SYCP2L: variants seen among roughly 807,000 people sequenced by gnomAD.
The protein encoded by SYCP2L is synaptonemal complex protein 2 like.
SYCP2L carries 98 observed loss-of-function variants against 125.8 expected under a neutral mutation model. That is an observed-to-expected ratio of 0.78 (90% CI 0.66 to 0.92). The LOEUF (loss-of-function observed/expected upper bound fraction) is 0.92, where lower values mean the gene tolerates loss of function less well. Among genes scored for constraint, SYCP2L ranks in the 40% least tolerant of loss-of-function variants. SYCP2L has a pLI of 0.00. For synonymous variants in SYCP2L, 317 were observed against 325.4 expected (o/e 0.97, Z 0.28); for missense variants, 842 against 936.4 (o/e 0.90, Z 1.32).
chr6:10,911,048 C>T (rs564050850), intron 12 of SYCP2L, among the ~76,000 whole-genome samples, 179 bp downstream of exon 12: 1 of 152,220 alleles, frequency 6.6e-6, no homozygotes, highest in African/African-American at 2.4e-5. Context: ...AACCAGAATG[C>T]GTTACCAGTA....
intron 6 of SYCP2L, 132 bp downstream of exon 6, chr6:10,898,980 A>AAGG: frequency 1.6e-6 from 1 of 637,144 alleles, no homozygotes; most frequent in Non-Finnish European, 2.8e-6. Flanking sequence ...TGACCACCTT[A>AAGG]TGGTCATCAT....
chr6:10,946,224 T>C (rs1443899909), intron 23 of SYCP2L, among the ~76,000 whole-genome samples: 1 of 152,166 alleles, frequency 6.6e-6, no homozygotes, highest in East Asian at 1.9e-4. Flanking sequence ...ATTTTTTACC[T>C]CTACTCATTT....
rs148289064 is a variant in SYCP2L, at chr6:10,903,957, T to G, written c.641+994T>G. On this transcript the variant is annotated intron_variant, in intron 8 of 29. Coordinates refer to ENST00000283141, the MANE Select transcript of SYCP2L (RefSeq NM_001040274.3). Reference sequence around the variant, plus strand: ...TACAGACGGTAGAGCCTGCGTGGCTTCAAATCCTAGTTTTGCCACTTTTGC... The same window carrying G: ...TACAGACGGTAGAGCCTGCGTGGCTGCAAATCCTAGTTTTGCCACTTTTGC... Among the ~76,000 whole-genome samples, 245 of 152,304 alleles carry G rather than the reference T, an allele frequency of 1.6e-3. 1 individual carries two copies. Among genetic ancestry groups the G allele is most frequent in the Non-Finnish European group, 3.2e-3 (218 of 68,020 alleles).
At chr6:10,898,176 A>C in intron 5 of SYCP2L, 61 bp downstream of exon 5, 1 of 1,223,352 alleles carries the variant, frequency 8.2e-7, no homozygotes, top group South Asian at 1.3e-5. Context: ...GGAATCTTCA[A>C]GTTATTTATA....
intron 4 of SYCP2L, among the ~76,000 whole-genome samples, chr6:10,897,359 C>T (rs2113292339): frequency 6.6e-6 from 1 of 150,984 alleles, no homozygotes; most frequent in East Asian, 1.9e-4. Context: ...TCAGCAGATT[C>T]TCAGATCGCA....
intron 15 of SYCP2L, among the ~76,000 whole-genome samples, chr6:10,925,368 G>A (rs1780879286): frequency 6.6e-6 from 1 of 152,180 alleles, no homozygotes; most frequent in Non-Finnish European, 1.5e-5. Context: ...TAGGAATAAA[G>A]TTTCTGAGGG....
At chr6:10,909,116 ATTTTTTTTTTTTTT>A (rs67767345) in intron 10 of SYCP2L, among the ~76,000 whole-genome samples, 28 of 94,882 alleles carry the variant, frequency 3.0e-4, no homozygotes, top group Non-Finnish European at 5.4e-4. Flanking sequence ...TCTCAATTGA[ATTTTTTTTTTTTTT>A]TTTTTTTTTT....
chr6:10,896,526 G>A (rs1362204830), intron 4 of SYCP2L, among the ~76,000 whole-genome samples: 4 of 152,140 alleles, frequency 2.6e-5, no homozygotes, highest in African/African-American at 4.8e-5. Flanking sequence ...TATGAACATA[G>A]GGAGGGAGAA....
At chr6:10,957,222 T>C (rs572832224) in intron 25 of SYCP2L, among the ~76,000 whole-genome samples, 1 of 152,336 alleles carries the variant, frequency 6.6e-6, no homozygotes, top group Non-Finnish European at 1.5e-5. Context: ...CAAGTTCATA[T>C]TACTTATCAA....
At chr6:10,923,314 A>G (rs137991290) in intron 14 of SYCP2L, among the ~76,000 whole-genome samples, 5 of 151,432 alleles carry the variant, frequency 3.3e-5, no homozygotes, top group Non-Finnish European at 7.4e-5. Context: ...GCCCGATTAC[A>G]ATTTGTCAGG....
At chr6:10,895,029 C>T (rs1296329656) in intron 4 of SYCP2L, among the ~76,000 whole-genome samples, 1 of 152,184 alleles carries the variant, frequency 6.6e-6, no homozygotes, top group Non-Finnish European at 1.5e-5. Context: ...GGAGAGAAAG[C>T]AAACTCCAGG....
chr6:10,903,246 A>G (rs1581818612), intron 8 of SYCP2L, among the ~76,000 whole-genome samples: 2 of 152,160 alleles, frequency 1.3e-5, no homozygotes, highest in South Asian at 4.2e-4. Context: ...CATCCTGGCT[A>G]ATATGGCAAA....
chr6:10,894,100 G>C lies in SYCP2L; in HGVS notation c.232G>C (p.Glu78Gln), dbSNP rs1339893927. 6.2e-7 allele frequency: 1 copy of C among 1,611,626 alleles called. No homozygotes were observed. Among genetic ancestry groups the C allele is most frequent in the African/African-American group, 1.3e-5 (1 of 74,754 alleles). ...TTATACCTAGGAACTAGATAAAAAT[G>C]AATTTCAGTCTGTGTCACTGTTGCT... ...RSINKELDKNEFQSVSLLLKC... is the reference protein window; with the variant it reads ...RSINKELDKNQFQSVSLLLKC... The change falls in exon 4 of 30, where the codon GAA (glutamate) becomes CAA (glutamine). Residue 78 changes from glutamate (E) to glutamine (Q), a missense_variant. Physicochemically the swap from Glu to Gln is conservative, Grantham distance 29. Coordinates refer to ENST00000283141, the MANE Select transcript of SYCP2L (RefSeq NM_001040274.3).
chr6:10,897,585 T>A (rs901052313), intron 4 of SYCP2L, among the ~76,000 whole-genome samples: 2 of 152,150 alleles, frequency 1.3e-5, no homozygotes, highest in African/African-American at 2.4e-5. Flanking sequence ...CTAATTTTTA[T>A]ATTTTTTGTA....
intron 26 of SYCP2L, among the ~76,000 whole-genome samples, chr6:10,960,258 AT>A (rs1484505893): frequency 6.6e-6 from 1 of 152,144 alleles, no homozygotes; most frequent in African/African-American, 2.4e-5. Context: ...TTGAATAGAA[AT>A]TTTTACTATT....
At chr6:10,905,142 C>CAAAAA (rs34659978) in intron 8 of SYCP2L, among the ~76,000 whole-genome samples, 10,014 of 54,730 alleles carry the variant, frequency 0.18, 1,465 homozygotes, top group Middle Eastern at 0.23. Context: ...GACTTGGTCT[C>CAAAAA]AAAAAAAAAA....
In SYCP2L at chr6:10,956,153, T is replaced by C; in HGVS notation, c.2074T>C (p.Ser692Pro). 6.2e-7 allele frequency: 1 copy of C among 1,613,752 alleles called. No individual in the cohort carries two copies. Among genetic ancestry groups the C allele is most frequent in the Non-Finnish European group, 8.5e-7 (1 of 1,179,840 alleles). The part of the protein sequence containing the change: ...RELPEGISTS[S>P]LEVVPENLNG... ...TTTTCCAGAAGGAATTTCCACTTCA[T>C]CCCTAGAAGTTGTGCCAGAGAACTT... Residue 692 changes from serine to proline, a missense_variant, in exon 25 of 30, where the codon TCC becomes CCC. Coordinates refer to ENST00000283141, the MANE Select transcript of SYCP2L (RefSeq NM_001040274.3).
chr6:10,959,884 A>AAAG (rs56820311), intron 26 of SYCP2L, among the ~76,000 whole-genome samples: 1 of 138,132 alleles, frequency 7.2e-6, no homozygotes, highest in African/African-American at 2.7e-5. Context: ...AAAAAAAAAA[A>AAAG]GAAAGAAAGA....
At chr6:10,915,382 C>T (rs1450779136) in intron 14 of SYCP2L, among the ~76,000 whole-genome samples, 1 of 152,178 alleles carries the variant, frequency 6.6e-6, no homozygotes, top group South Asian at 2.1e-4. Flanking sequence ...TGAGAGTGGG[C>T]ATCCTTGTCC....
Sources: allele counts gnomAD v4.1 joint callset (sites outside exome capture counted in the v4.1 genomes callset), GRCh38; gene constraint gnomAD v4.1.1; transcripts MANE v1.5; gene names NCBI Gene and HGNC (gene_info 2026-07-23, HGNC 2026-07-21).